Variants in SYNE2 observed in about 807,000 individuals in gnomAD.
SYNE2 encodes the protein nesprin-2.
SYNE2 carries 431 observed loss-of-function variants against 856.3 expected under a neutral mutation model. The ratio of observed to expected loss-of-function variants is 0.50; its 90% CI spans 0.47 to 0.55. SYNE2 has a LOEUF of 0.55. SYNE2 is among the 20% of genes least tolerant of loss of function. The pLI, the probability that SYNE2 is intolerant of heterozygous loss-of-function variation, is 0.00. For missense variants in SYNE2, 8,129 were observed against 8,023.2 expected (o/e 1.01, Z -0.50); for synonymous variants, 2,923 against 2,872.3 (o/e 1.02, Z -0.56).
rs763402875 is a variant in SYNE2 at position 63,997,451 on chromosome 14, A to G, written c.3243+60A>G. ...CCCAAAGTAAAAGACCAAGTGTACA[A>G]TAATTCACTTCTCATTAATTAGGTG... On this transcript the variant is annotated intron_variant, in intron 25 of 115. Transcript: ENST00000555002. The G allele has an allele frequency of 4.0e-5, 52 of 1,290,702 alleles. No individual in the cohort carries two copies. In the African/African-American group the frequency reaches 5.7e-4, roughly 14 times the overall value. The allele number at this position is 1,290,702 out of a possible 1,614,324, so 80.0% of individuals were successfully genotyped here.
At chr14:64,187,089 C>T (rs2098495468) in intron 97 of SYNE2, among the ~76,000 whole-genome samples, 1 of 152,156 alleles carries the variant, frequency 6.6e-6, no homozygotes, top group African/African-American at 2.4e-5. Flanking sequence ...TGATCAACTG[C>T]TATGTTGTCT....
intron 65 of SYNE2, among the ~76,000 whole-genome samples, chr14:64,108,267 G>T (rs756397079): frequency 3.3e-5 from 5 of 152,086 alleles, no homozygotes; most frequent in Non-Finnish European, 7.4e-5. Context: ...CAGGAGAATC[G>T]CTTGAACCTG....
At chr14:63,833,363 ATCT>A (rs1366400607) in intron 1 of SYNE2, among the ~76,000 whole-genome samples, 3 of 152,212 alleles carry the variant, frequency 2.0e-5, no homozygotes, top group African/African-American at 7.2e-5. Flanking sequence ...TATAGTGCTT[ATCT>A]TCTTGTACTT....
Position 64,065,649 on chromosome 14 carries a change from A to C in SYNE2, c.10430A>C (p.Glu3477Ala). The C allele has an allele frequency of 1.2e-6, 2 of 1,614,090 alleles. No homozygotes were observed. The highest frequency in any genetic ancestry group is 1.7e-6 in the Non-Finnish European group (2 of 1,179,980). ...CAGGAATGGAAATTTGTCAGTGAAG[A>C]AGTGAGTGCTTCATTTTCAACAAAC... ...LKQEWKFVSE[E>A]IEREAIILDN... The change falls in exon 51 of 116, where the codon GAA (glutamate) becomes GCA (alanine). Residue 3477 changes from glutamate (E) to alanine (A), a missense_variant and splice_region_variant. By Grantham distance (107) the Glu-to-Ala change is moderately radical (BLOSUM62 -1). Coordinates refer to ENST00000555002, the MANE Select transcript of SYNE2 (RefSeq NM_182914.3).
chr14:64,067,401 C>T (rs1315126095), intron 51 of SYNE2, among the ~76,000 whole-genome samples: 1 of 152,148 alleles, frequency 6.6e-6, no homozygotes, highest in African/African-American at 2.4e-5. Context: ...AGGATTCAAA[C>T]TTAGACGCTG....
chr14:63,957,786 C>G (rs1293400108), intron 8 of SYNE2, among the ~76,000 whole-genome samples: 1 of 152,104 alleles, frequency 6.6e-6, no homozygotes, highest in Non-Finnish European at 1.5e-5. Flanking sequence ...TAGTGCTGAT[C>G]AAGGTTGTCA....
intron 1 of SYNE2, among the ~76,000 whole-genome samples, chr14:63,879,815 A>G (rs1011379179): frequency 3.9e-5 from 6 of 152,262 alleles, no homozygotes; most frequent in Non-Finnish European, 8.8e-5. Context: ...GAAAAAGCAC[A>G]CAAGAGCATT....
Position 64,170,246 on chromosome 14 carries a change from A to G in SYNE2, c.17019A>G (p.Glu5673=), listed in dbSNP as rs767893501. ...EIENRPEFIT[E]FSKLTDRWQN... is the part of the protein sequence containing the mutation. ...TCCCCAGACCAGAATTTATTACAGAATTCTCAAAGCTGACGGATCGGTGGC... is the reference window on the plus strand; with the variant it reads ...TCCCCAGACCAGAATTTATTACAGAGTTCTCAAAGCTGACGGATCGGTGGC... Residue 5673 remains glutamate (E), a synonymous_variant, in exon 94 of 116, where the codon GAA becomes GAG. Transcript: ENST00000555002. 1 of 1,613,954 alleles carries G rather than the reference A, an allele frequency of 6.2e-7. No individual in the cohort carries two copies. The highest frequency in any genetic ancestry group is 1.1e-5 in the South Asian group (1 of 91,072).
At chr14:64,030,089 AT>A in intron 44 of SYNE2, 30 bp downstream of exon 44, 1 of 1,608,980 alleles carries the variant, frequency 6.2e-7, no homozygotes, top group Non-Finnish European at 8.5e-7. Context: ...CATGATAGAC[AT>A]TTAAAAAAAA....
intron 8 of SYNE2, among the ~76,000 whole-genome samples, chr14:63,960,120 C>T (rs780383961): frequency 4.6e-5 from 7 of 152,194 alleles, no homozygotes; most frequent in Admixed American, 6.5e-5. Flanking sequence ...AAAGCAATAT[C>T]TAAATAAGCC....
chr14:63,839,124 GA>G (rs1205201941), intron 1 of SYNE2, among the ~76,000 whole-genome samples: 2 of 151,980 alleles, frequency 1.3e-5, no homozygotes, highest in African/African-American at 4.8e-5. Flanking sequence ...CCAACTCCCA[GA>G]TTCAAGTGAT....
At chr14:64,074,195 A>G in intron 53 of SYNE2, 59 bp downstream of exon 53, 1 of 1,551,234 alleles carries the variant, frequency 6.4e-7, no homozygotes, top group Non-Finnish European at 8.9e-7. Context: ...TTGTATCCAA[A>G]GTCCTTGGGG....
chr14:63,942,181 AC>A, intron 6 of SYNE2, 38 bp downstream of exon 6: 1 of 1,230,116 alleles, frequency 8.1e-7, no homozygotes, highest in Non-Finnish European at 1.2e-6. Flanking sequence ...TTTCTACCCT[AC>A]CACAGTATAA....
At chr14:64,181,314 A>T (rs2098456990) in intron 96 of SYNE2, among the ~76,000 whole-genome samples, 1 of 152,158 alleles carries the variant, frequency 6.6e-6, no homozygotes, top group Non-Finnish European at 1.5e-5. Context: ...TATCATCCCT[A>T]CCTCATTAGG....
rs1381951229 is a variant in SYNE2 at position 63,954,714 on chromosome 14, G to A, written c.591-5G>A. ...ATTTGTCATGTTTTTGTCTTTTTAT[G>A]ATAGCTATGAGTCTGTCAATGTGAC... On this transcript the variant is annotated splice_region_variant and splice_polypyrimidine_tract_variant and intron_variant, in intron 7 of 115. Coordinates refer to ENST00000555002, the MANE Select transcript of SYNE2 (RefSeq NM_182914.3). The A allele has an allele frequency of 5.6e-6, 9 of 1,613,586 alleles. No individual in the cohort carries two copies. Among genetic ancestry groups the A allele is most frequent in the Non-Finnish European group, 1.7e-6 (2 of 1,179,722 alleles).
At chr14:64,137,107 T>C (rs1009661364) in intron 78 of SYNE2, among the ~76,000 whole-genome samples, 1 of 152,266 alleles carries the variant, frequency 6.6e-6, no homozygotes, top group Admixed American at 6.5e-5. Flanking sequence ...ACAAAACCTA[T>C]CTGTGAGCTC....
At chr14:63,942,232 G>A in intron 6 of SYNE2, 89 bp downstream of exon 6, 1 of 813,644 alleles carries the variant, frequency 1.2e-6, no homozygotes, top group South Asian at 1.4e-5. Context: ...ACTAGATTCA[G>A]TCCTGAGCTT....
At chr14:64,038,624 G>A (rs528929339) in intron 45 of SYNE2, among the ~76,000 whole-genome samples, 3 of 152,352 alleles carry the variant, frequency 2.0e-5, no homozygotes, top group East Asian at 1.9e-4. Context: ...TGGATCACTC[G>A]GCGGTTAGGA....
intron 7 of SYNE2, among the ~76,000 whole-genome samples, chr14:63,953,197 T>A (rs2096190834): frequency 6.6e-6 from 1 of 152,160 alleles, no homozygotes; most frequent in South Asian, 2.1e-4. Flanking sequence ...TAGGAAGGAC[T>A]TTTTTTATGG....
Sources: gnomAD v4.1 joint callset for allele counts (sites outside exome capture counted in the v4.1 genomes callset) on GRCh38, gnomAD v4.1.1 for gene constraint, MANE v1.5 for transcripts, NCBI Gene and HGNC (gene_info 2026-07-23, HGNC 2026-07-21) for gene names.